SH2B3: variants seen among roughly 807,000 people sequenced by gnomAD.
SH2B3 encodes SH2B adapter protein 3.
A neutral mutation model predicts 51.9 loss-of-function variants in SH2B3; 43 were observed. The ratio of observed to expected loss-of-function variants is 0.83; its 90% confidence interval spans 0.65 to 1.07. The LOEUF (loss-of-function observed/expected upper bound fraction) is 1.07, where lower values mean the gene tolerates loss of function less well. Ranked by LOEUF, SH2B3 falls within the 50% of genes least tolerant of loss-of-function variation. SH2B3 has a pLI of 0.00. For missense variants in SH2B3, 952 were observed against 834.3 expected, an observed-to-expected ratio of 1.14 and a Z score of -1.74; for synonymous variants, 396 against 376.0, an observed-to-expected ratio of 1.05 and a Z score of -0.62.
intron 2 of SH2B3, among the ~76,000 whole-genome samples, chr12:111,425,410 G>T (rs1363656119): frequency 1.3e-5 from 2 of 152,132 alleles, no homozygotes; most frequent in Non-Finnish European, 2.9e-5. Flanking sequence ...GTCAGCAAAG[G>T]CCTCTTGGCA....
Position 111,446,751 on chromosome 12 carries a change from A to G in SH2B3, c.733-2A>G. 2 of 1,526,518 alleles carry G rather than the reference A, an allele frequency of 1.3e-6. No homozygotes were observed. The highest frequency in any genetic ancestry group is 1.8e-6 in the Non-Finnish European group (2 of 1,134,152). 94.6% of individuals were successfully genotyped at this position (1,526,518 alleles called of 1,614,324 possible). A position where few individuals can be genotyped will look rare whatever the true frequency, so the allele number is the denominator to read the frequency against. On this transcript the variant is annotated splice_acceptor_variant, in intron 2 of 7. Coordinates refer to ENST00000341259, the MANE Select transcript of SH2B3 (RefSeq NM_005475.3). LOFTEE classifies it high-confidence loss of function. Reference sequence around the variant, plus strand: ...CTTGAGTACCCCAACTTGGTCTCGTAGAGTTCAAGGCCCAAGCTACAAGCA... The same window carrying G: ...CTTGAGTACCCCAACTTGGTCTCGTGGAGTTCAAGGCCCAAGCTACAAGCA...
chr12:111,441,828 G>T (rs1749319050), intron 2 of SH2B3, among the ~76,000 whole-genome samples: 1 of 152,184 alleles, frequency 6.6e-6, no homozygotes, highest in Admixed American at 6.5e-5. Context: ...AGGAAGCTGA[G>T]ACAAATCTGT....
Position 111,418,164 on chromosome 12 carries a change from C to G in SH2B3, c.19C>G (p.Gln7Glu). The G allele has an allele frequency of 6.5e-7, 1 of 1,535,944 alleles. No individual in the cohort carries two copies. The highest frequency in any genetic ancestry group is 8.7e-7 in the Non-Finnish European group (1 of 1,155,652). Residue 7 changes from glutamine (Q) to glutamate (E), a missense_variant, in exon 2 of 8, where the codon CAG (glutamine) becomes GAG (glutamate). Gln to Glu is a conservative substitution (Grantham distance 29, BLOSUM62 2). Transcript: ENST00000341259. This position sits in a 1 kb window ranked among gnomAD's most constrained non-coding sequence, Gnocchi z 6.7. Reference protein sequence around the residue: MNGPALQPSSPSSAPSA... With the variant: MNGPALEPSSPSSAPSA... Reference sequence around the variant, plus strand: ...CTCCGCCATGAACGGGCCTGCCCTGCAGCCCTCCTCGCCCTCTTCCGCGCC... The same window carrying G: ...CTCCGCCATGAACGGGCCTGCCCTGGAGCCCTCCTCGCCCTCTTCCGCGCC...
intron 1 of SH2B3, among the ~76,000 whole-genome samples, chr12:111,416,888 A>G (rs1871126269): frequency 6.6e-6 from 1 of 152,196 alleles, no homozygotes; most frequent in African/African-American, 2.4e-5. Context: ...CTTCCCCACC[A>G]TCCCCACATC....
upstream of SH2B3, among the ~76,000 whole-genome samples, chr12:111,405,347 G>A (rs1203962569): frequency 6.6e-6 from 1 of 152,178 alleles, no homozygotes; most frequent in African/African-American, 2.4e-5. The surrounding 1 kb of genome is among the most constrained non-coding windows in gnomAD (Gnocchi z 5.4). Flanking sequence ...GGTCGGGTCA[G>A]CATGATCGCA....
At position 111,410,136 on chromosome 12, in the gene SH2B3, C is replaced by T. The variant is rs1870579704; in HGVS notation, c.-28+3859C>T. ...CTGGGAGGAAGGAAGTCTATGCCCT[C>T]CTCACAGGGGCTGACTCACAGGCGC... On this transcript the variant is annotated intron_variant, in intron 1 of 7. Coordinates refer to ENST00000341259, the MANE Select transcript of SH2B3 (RefSeq NM_005475.3). This position sits in a 1 kb window ranked among gnomAD's most constrained non-coding sequence, Gnocchi z 4.9. Among the ~76,000 whole-genome samples the T allele has an allele frequency of 6.6e-6, 1 of 152,174 alleles. No individual in the cohort carries two copies. Among genetic ancestry groups the T allele is most frequent in the Admixed American group, 6.5e-5 (1 of 15,286 alleles).
chr12:111,408,406 A>T (rs1446995690), intron 1 of SH2B3, among the ~76,000 whole-genome samples: 1 of 79,674 alleles, frequency 1.3e-5, no homozygotes, highest in Non-Finnish European at 2.7e-5. Flanking sequence ...TCATCCCCCC[A>T]CCCCCACCCC....
chr12:111,414,589 C>CAA (rs34941106), intron 1 of SH2B3, among the ~76,000 whole-genome samples: 7 of 129,940 alleles, frequency 5.4e-5, no homozygotes, highest in African/African-American at 2.0e-4. Context: ...GACCCTGTCT[C>CAA]AAAAAAAAAA....
At chr12:111,434,873 A>T in intron 2 of SH2B3, 1 of 1,535,438 alleles carries the variant, frequency 6.5e-7, no homozygotes, top group East Asian at 2.4e-5. Context: ...TAGTAATGAG[A>T]GTCCGTGCCG....
chr12:111,447,378 A>C lies in SH2B3; in HGVS notation c.1070A>C (p.His357Pro), dbSNP rs1565990819. ...GACCCGGCCTGCCAGAAGACGGACC[A>C]TTTCCTGTCCTGCTACCCCTGGTTC... is the stretch of plus-strand genomic sequence containing the variant. ...LLDPACQKTDHFLSCYPWFHG... is the reference protein window; with the variant it reads ...LLDPACQKTDPFLSCYPWFHG... Residue 357 changes from histidine to proline, a missense_variant, in exon 6 of 8, where the codon CAT (histidine) becomes CCT (proline). Coordinates refer to ENST00000341259, the MANE Select transcript of SH2B3 (RefSeq NM_005475.3). The C allele has an allele frequency of 1.2e-6, 2 of 1,613,968 alleles. No individual in the cohort carries two copies. The highest frequency in any genetic ancestry group is 2.2e-5 in the East Asian group (1 of 44,880).
At position 111,450,863 on chromosome 12, in the gene SH2B3, C is replaced by G. The variant is rs1468205992; in HGVS notation, c.*2561C>G. The stretch of plus-strand genomic sequence containing the variant: ...CAGTGTGGGGCAGGCACCCCACTGG[C>G]TGCAGCTAGCCCACCATAGGCACAG... On this transcript the variant is annotated 3_prime_UTR_variant, in exon 8 of 8. Transcript: ENST00000341259. The G allele has an allele frequency of 6.6e-6, 1 of 152,314 alleles. No individual in the cohort carries two copies. Among genetic ancestry groups the G allele is most frequent in the Non-Finnish European group, 1.5e-5 (1 of 68,092 alleles). 9.4% of individuals were successfully genotyped at this position (152,314 alleles called of 1,614,324 possible). A position where few individuals can be genotyped will look rare whatever the true frequency, so the allele number is the denominator to read the frequency against.
chr12:111,437,554 C>T (rs182875360), intron 2 of SH2B3, among the ~76,000 whole-genome samples: 31 of 152,262 alleles, frequency 2.0e-4, no homozygotes, highest in Non-Finnish European at 3.8e-4. Flanking sequence ...CATTATCATC[C>T]CCATTTTACA....
intron 2 of SH2B3, among the ~76,000 whole-genome samples, chr12:111,426,130 C>G (rs1871974651): frequency 6.6e-6 from 1 of 152,166 alleles, no homozygotes; most frequent in Admixed American, 6.6e-5. Context: ...CCAGCAAGGC[C>G]TGCTTGCTCC....
chr12:111,447,267 C>A, intron 5 of SH2B3, 48 bp downstream of exon 5: 1 of 1,587,956 alleles, frequency 6.3e-7, no homozygotes, highest in Non-Finnish European at 8.6e-7. Flanking sequence ...ACGCTGGAAC[C>A]CAGACTCAGC....
rs1263768438 is a variant in SH2B3, at chr12:111,429,013, T to C, written c.732+10136T>C. Among the ~76,000 whole-genome samples, 3 of 66,532 alleles carry C rather than the reference T, an allele frequency of 4.5e-5. No individual in the cohort carries two copies. The highest frequency in any genetic ancestry group is 8.7e-5 in the Non-Finnish European group (3 of 34,334). The allele number at this position is 66,532 out of a possible 152,430, so 43.6% of individuals were successfully genotyped here. On this transcript the variant is annotated intron_variant, in intron 2 of 7. Coordinates refer to ENST00000341259, the MANE Select transcript of SH2B3 (RefSeq NM_005475.3). This position sits in a 1 kb window ranked among gnomAD's most constrained non-coding sequence, Gnocchi z 4.4. ...TGGCGGTTTCCTCTCGGGGCAGGAG[T>C]GCGAGGAGGAGGAGGAGGAGGAGGA...
Position 111,418,593 on chromosome 12 carries a change from T to C in SH2B3, c.448T>C (p.Ser150Pro), listed in dbSNP as rs1205619606. ...CCTCCGCCACATCTTCCGCCGCCGC[T>C]CGGCCGGGGAGCTGCCAGCGGCCCA... ...RSLRHIFRRR[S>P]AGELPAAHTA... is the part of the protein sequence containing the mutation. The change falls in exon 2 of 8, where the codon TCG becomes CCG. Residue 150 changes from serine (S) to proline (P), a missense_variant. Physicochemically the swap from Ser to Pro is moderately conservative, Grantham distance 74. Coordinates refer to ENST00000341259, the MANE Select transcript of SH2B3 (RefSeq NM_005475.3). This position sits in a 1 kb window ranked among gnomAD's most constrained non-coding sequence, Gnocchi z 6.7. 1 of 1,490,432 alleles carries C rather than the reference T, an allele frequency of 6.7e-7. No homozygotes were observed. 92.3% of individuals were successfully genotyped at this position (1,490,432 alleles called of 1,614,324 possible). A position where few individuals can be genotyped will look rare whatever the true frequency, so the allele number is the denominator to read the frequency against.
intron 2 of SH2B3, among the ~76,000 whole-genome samples, chr12:111,430,710 G>A (rs544955444): frequency 2.6e-5 from 4 of 152,274 alleles, no homozygotes; most frequent in Admixed American, 1.3e-4. Flanking sequence ...GCCTCTCTGC[G>A]CCTCAGTGGC....
At position 111,448,365 on chromosome 12, in the gene SH2B3, G is replaced by A. The variant is rs1157416706; in HGVS notation, c.*63G>A. The A allele has an allele frequency of 1.7e-6, 2 of 1,178,008 alleles. No homozygotes were observed. Among genetic ancestry groups the A allele is most frequent in the African/African-American group, 1.5e-5 (1 of 65,450 alleles). 73.0% of individuals were successfully genotyped at this position (1,178,008 alleles called of 1,614,324 possible). ...GGAGCACAGGCAGAAGTGTGAACTT[G>A]TGAATGTAATTGATCTTTCCTTCCT... On this transcript the variant is annotated 3_prime_UTR_variant, in exon 8 of 8. Transcript: ENST00000341259.
In SH2B3 at chr12:111,418,269, G is replaced by A. The variant is rs749720089; in HGVS notation, c.124G>A (p.Ala42Thr). The A allele has an allele frequency of 3.3e-6, 5 of 1,530,160 alleles. No homozygotes were observed. Among genetic ancestry groups the A allele is most frequent in the African/African-American group, 2.8e-5 (2 of 72,160 alleles). The allele number at this position is 1,530,160 out of a possible 1,614,324, so 94.8% of individuals were successfully genotyped here. Residue 42 changes from alanine to threonine, a missense_variant, in exon 2 of 8, where the codon GCC becomes ACC. Ala to Thr is a moderately conservative substitution (Grantham distance 58). Transcript: ENST00000341259. The surrounding 1 kb of genome is among the most constrained non-coding windows in gnomAD (Gnocchi z 6.7). ...CGCCGTAGCGGCGGCCCGGGAGCTG[G>A]CCCGCCAGTACTGGCTGTTCGCCCG... is the stretch of plus-strand genomic sequence containing the variant. Reference protein sequence around the residue: ...LHAVAAARELARQYWLFAREH... With the variant: ...LHAVAAARELTRQYWLFAREH...
Sources: gnomAD v4.1 joint callset for allele counts (sites outside exome capture counted in the v4.1 genomes callset) on GRCh38, gnomAD v4.1.1 for gene constraint, Gnocchi (gnomAD v3.1) non-coding constraint, MANE v1.5 for transcripts, NCBI Gene and HGNC (gene_info 2026-07-23, HGNC 2026-07-21) for gene names.